PRELID2: variants seen among roughly 807,000 people sequenced by gnomAD.
PRELID2 encodes the protein PRELI domain containing 2.
In PRELID2, 25 loss-of-function variants were observed where a neutral mutation model predicts 28.4. The ratio of observed to expected loss-of-function variants is 0.88; its 90% CI spans 0.64 to 1.23. PRELID2 has a LOEUF of 1.23. PRELID2 is among the 50% of genes most tolerant of loss of function. The pLI is 0.00. For missense variants in PRELID2, 201 were observed against 214.4 expected (o/e 0.94, Z 0.39); for synonymous variants, 76 against 71.6 (o/e 1.06, Z -0.31).
At chr5:145,317,255 G>C in the PRELID2 span, among the ~76,000 whole-genome samples, 16 of 152,270 alleles carry the variant, frequency 1.1e-4, no homozygotes, top group Middle Eastern at 3.4e-3. Flanking sequence ...ACGGAACCAG[G>C]GGTTACTCTA....
chr5:145,253,201 G>C, the PRELID2 span, among the ~76,000 whole-genome samples: 1 of 152,094 alleles, frequency 6.6e-6, no homozygotes, highest in African/African-American at 2.4e-5. Flanking sequence ...GATTCCCAGA[G>C]AGATGATAAA....
At chr5:145,453,075 C>T in the PRELID2 span, among the ~76,000 whole-genome samples, 1 of 152,018 alleles carries the variant, frequency 6.6e-6, no homozygotes, top group African/African-American at 2.4e-5. Context: ...TAATGCTGCC[C>T]AAAAATGGAG....
intron 5 of PRELID2, among the ~76,000 whole-genome samples, chr5:145,765,449 C>T (rs1257620791): frequency 2.0e-5 from 3 of 152,176 alleles, no homozygotes; most frequent in Non-Finnish European, 2.9e-5. Flanking sequence ...AGCACTCCTT[C>T]CCTTTCCACC....
chr5:145,306,410 A>G, the PRELID2 span, among the ~76,000 whole-genome samples: 1 of 152,114 alleles, frequency 6.6e-6, no homozygotes, highest in Non-Finnish European at 1.5e-5. Flanking sequence ...ACTTAAGTCA[A>G]TTTGATTTAA....
At chr5:145,246,606 C>T in the PRELID2 span, among the ~76,000 whole-genome samples, 1 of 152,018 alleles carries the variant, frequency 6.6e-6, no homozygotes, top group East Asian at 1.9e-4. Context: ...TGATAAAAGC[C>T]TATGCATGAA....
chr5:145,230,334 G>A, the PRELID2 span, among the ~76,000 whole-genome samples: 3 of 152,310 alleles, frequency 2.0e-5, no homozygotes, highest in East Asian at 5.8e-4. Context: ...AGCACTTTGG[G>A]AGGCTGACGT....
the PRELID2 span, among the ~76,000 whole-genome samples, chr5:145,263,150 T>C: frequency 1.3e-5 from 2 of 152,098 alleles, no homozygotes; most frequent in Admixed American, 1.3e-4. Context: ...ATCCAAAATA[T>C]ACATACATCT....
At chr5:145,641,962 C>T (rs1387945152) in intron 1 of PRELID2, among the ~76,000 whole-genome samples, 1 of 152,114 alleles carries the variant, frequency 6.6e-6, no homozygotes, top group Non-Finnish European at 1.5e-5. Context: ...GTGAATAGTG[C>T]CGCAATATAC....
chr5:145,666,880 C>T (rs1754605781), intron 1 of PRELID2, among the ~76,000 whole-genome samples: 1 of 152,118 alleles, frequency 6.6e-6, no homozygotes, highest in African/African-American at 2.4e-5. Context: ...TTATTTATAG[C>T]ACACCAATTC....
At chr5:145,416,680 C>T in the PRELID2 span, among the ~76,000 whole-genome samples, 32,756 of 151,942 alleles carry the variant, frequency 0.22, 3,804 homozygotes, top group South Asian at 0.33. Context: ...GCATTGAATG[C>T]CCACAACAAA....
At chr5:145,292,053 C>A in the PRELID2 span, among the ~76,000 whole-genome samples, 1 of 152,036 alleles carries the variant, frequency 6.6e-6, no homozygotes, top group Non-Finnish European at 1.5e-5. Flanking sequence ...TATTACTCTT[C>A]CTTTCCTCTA....
chr5:145,262,508 G>T, the PRELID2 span, among the ~76,000 whole-genome samples: 37 of 152,080 alleles, frequency 2.4e-4, no homozygotes, highest in African/African-American at 8.4e-4. Flanking sequence ...AACCCTACAA[G>T]CTAGAAGGGA....
At chr5:145,317,903 A>C in the PRELID2 span, among the ~76,000 whole-genome samples, 1 of 152,310 alleles carries the variant, frequency 6.6e-6, no homozygotes, top group South Asian at 2.1e-4. Flanking sequence ...GATCATCAAA[A>C]TTCTAGACCC....
At chr5:145,423,150 T>A in the PRELID2 span, among the ~76,000 whole-genome samples, 1 of 152,070 alleles carries the variant, frequency 6.6e-6, no homozygotes, top group Non-Finnish European at 1.5e-5. Context: ...CCAACCTTTC[T>A]CTCTGGCTGC....
Position 145,554,996 on chromosome 5 carries a change from C to G in PRELID2, n.71-81681G>C, listed in dbSNP as rs941713023. On this transcript the variant is annotated intron_variant and non_coding_transcript_variant, in intron 1 of 2. Transcript: ENST00000510259. ...TATTATGGCTCTGGAAAAGAGAGGT[C>G]AAAGCTTATTTCCAAAGTTACCTTG... Among the ~76,000 whole-genome samples the G allele has an allele frequency of 2.8e-4, 42 of 152,162 alleles. 1 individual carries two copies. The highest frequency in any genetic ancestry group is 9.4e-4 in the African/African-American group (39 of 41,428).
intron 1 of PRELID2, among the ~76,000 whole-genome samples, chr5:145,640,783 A>G (rs575147568): frequency 1.1e-4 from 16 of 152,354 alleles, no homozygotes; most frequent in Admixed American, 9.1e-4. Context: ...TTACAAAACT[A>G]TAGTAATGAA....
intron 1 of PRELID2, among the ~76,000 whole-genome samples, chr5:145,520,789 T>C (rs998637554): frequency 1.6e-4 from 24 of 152,198 alleles, no homozygotes; most frequent in African/African-American, 5.8e-4. Context: ...CCTGTTTTCA[T>C]ATTATCATCT....
chr5:145,294,498 A>G, the PRELID2 span, among the ~76,000 whole-genome samples: 1 of 152,168 alleles, frequency 6.6e-6, no homozygotes, highest in Non-Finnish European at 1.5e-5. Context: ...CAGTTCTACA[A>G]TTCCATTGCT....
At chr5:145,277,373 T>C in the PRELID2 span, among the ~76,000 whole-genome samples, 1 of 152,212 alleles carries the variant, frequency 6.6e-6, no homozygotes, top group Non-Finnish European at 1.5e-5. Context: ...GCACCTCATA[T>C]TTGATGCCTC....
Sources: gnomAD v4.1 joint callset for allele counts (sites outside exome capture counted in the v4.1 genomes callset) on GRCh38, gnomAD v4.1.1 for gene constraint, MANE v1.5 for transcripts, NCBI Gene and HGNC (gene_info 2026-07-23, HGNC 2026-07-21) for gene names.